Variants in DLC1 observed in about 807,000 individuals in gnomAD.
DLC1 encodes the protein DLC1 Rho GTPase activating protein.
DLC1 carries 54 observed loss-of-function variants against 140.3 expected under a neutral mutation model. That is an observed-to-expected ratio of 0.38 (90% CI 0.31 to 0.48). The LOEUF is 0.48. DLC1 is among the 20% of genes least tolerant of loss of function. The pLI, the probability that DLC1 is intolerant of heterozygous loss-of-function variation, is 0.96. For synonymous variants in DLC1, 986 were observed against 728.1 expected, an observed-to-expected ratio of 1.35 and a Z score of -5.70; for missense variants, 2,536 against 1,907.0, an observed-to-expected ratio of 1.33 and a Z score of -6.14.
intron 5 of DLC1, among the ~76,000 whole-genome samples, chr8:13,204,124 T>C (rs146426141): frequency 1.7e-3 from 261 of 152,242 alleles, no homozygotes; most frequent in Middle Eastern, 6.8e-3. Flanking sequence ...AAAAGACTGT[T>C]CTGTTAAGGA....
rs999267114 is a variant in DLC1 at position 13,566,954 on chromosome 8, G to A, written c.-126+37583C>T. Reference sequence around the variant, plus strand: ...CGGGTTCCTGAGCCAGTCTTAACCTGGGCAAAGGAGATGAGGAGCCGAGCC... The same window carrying A: ...CGGGTTCCTGAGCCAGTCTTAACCTAGGCAAAGGAGATGAGGAGCCGAGCC... On this transcript the variant is annotated intron_variant, in intron 1 of 1. Coordinates refer to the DLC1 transcript ENST00000631382. 2.7e-6 allele frequency: 4 copies of A among 1,507,512 alleles called. No homozygotes were observed. In the African/African-American group the frequency reaches 5.6e-5, roughly 21 times the overall value. 93.4% of individuals were successfully genotyped at this position (1,507,512 alleles called of 1,614,324 possible).
At chr8:13,331,886 CT>C (rs1336142942) in intron 4 of DLC1, among the ~76,000 whole-genome samples, 3 of 152,112 alleles carry the variant, frequency 2.0e-5, no homozygotes, top group Admixed American at 6.5e-5. Flanking sequence ...TAATATGATC[CT>C]TTCTGTGCCT....
chr8:13,286,322 T>C (rs145963298), intron 5 of DLC1, among the ~76,000 whole-genome samples: 1 of 152,274 alleles, frequency 6.6e-6, no homozygotes, highest in African/African-American at 2.4e-5. Context: ...GAATGATCAC[T>C]GGCTTGGAGA....
intron 5 of DLC1, among the ~76,000 whole-genome samples, chr8:13,202,896 A>G (rs1246642131): frequency 2.0e-5 from 3 of 150,136 alleles, no homozygotes; most frequent in African/African-American, 7.4e-5. Flanking sequence ...CTGGTCTTGA[A>G]CTCCTGGGCC....
rs976560938 is a variant in DLC1, at chr8:13,099,477, C to T, written c.2860G>A (p.Val954Met). Residue 954 changes from valine to methionine, a missense_variant, in exon 9 of 18, where the codon GTG (valine) becomes ATG (methionine). Physicochemically the swap from Val to Met is conservative, Grantham distance 21 (BLOSUM62 1). Coordinates refer to ENST00000276297, the MANE Select transcript of DLC1 (RefSeq NM_182643.3). The part of the protein sequence containing the change: ...PSSPKQIHLD[V>M]DNDRTTPSDL... ...CTGGGTGTGGTTCGGTCGTTGTCCA[C>T]ATCCAGGTGTATCTGTTTTGGAGAG... 4.3e-6 allele frequency: 7 copies of T among 1,614,086 alleles called. No individual in the cohort carries two copies. The highest frequency in any genetic ancestry group is 3.3e-5 in the Admixed American group (2 of 60,008).
At chr8:13,313,826 T>C (rs1422388116) in intron 4 of DLC1, among the ~76,000 whole-genome samples, 2 of 152,190 alleles carry the variant, frequency 1.3e-5, no homozygotes, top group Non-Finnish European at 2.9e-5. Flanking sequence ...TTTATAAAGC[T>C]CAGTGTGGAG....
intron 1 of DLC1, among the ~76,000 whole-genome samples, chr8:13,598,679 C>T (rs1057270328): frequency 2.0e-5 from 3 of 151,924 alleles, no homozygotes; most frequent in African/African-American, 7.2e-5. Context: ...ATAATACTTA[C>T]TATTATTGCA....
chr8:13,118,753 A>T (rs1349482391), intron 5 of DLC1, among the ~76,000 whole-genome samples: 1 of 152,140 alleles, frequency 6.6e-6, no homozygotes, highest in Non-Finnish European at 1.5e-5. Context: ...CGAGTCACAC[A>T]GTTTCATTCC....
At chr8:13,470,098 A>T (rs1394451501) in intron 2 of DLC1, among the ~76,000 whole-genome samples, 2 of 152,072 alleles carry the variant, frequency 1.3e-5, no homozygotes, top group Admixed American at 6.5e-5. Flanking sequence ...GTGAACCATT[A>T]CTTCCTCTTG....
intron 1 of DLC1, among the ~76,000 whole-genome samples, chr8:13,504,695 A>G (rs1275737149): frequency 6.6e-6 from 1 of 152,226 alleles, no homozygotes; most frequent in Admixed American, 6.5e-5. Context: ...GTAACAGTGC[A>G]GGGAAGACGA....
At chr8:13,599,707 G>A (rs867674322) in intron 1 of DLC1, among the ~76,000 whole-genome samples, 1 of 151,876 alleles carries the variant, frequency 6.6e-6, no homozygotes, top group African/African-American at 2.4e-5. Flanking sequence ...ACTCAATATT[G>A]TAATGATGTC....
chr8:13,419,638 C>T (rs955076835), intron 2 of DLC1, among the ~76,000 whole-genome samples: 2 of 152,166 alleles, frequency 1.3e-5, no homozygotes, highest in East Asian at 1.9e-4. Context: ...AGGATTTTTG[C>T]ATCAGTGTTC....
chr8:13,416,250 A>G (rs887418942), intron 2 of DLC1, among the ~76,000 whole-genome samples: 6 of 152,200 alleles, frequency 3.9e-5, no homozygotes, highest in Admixed American at 1.3e-4. Context: ...TACATATGCA[A>G]ATATCACTCT....
chr8:13,453,557 T>TATATACATATATATATA (rs1491341936), intron 2 of DLC1, among the ~76,000 whole-genome samples: 2 of 24,276 alleles, frequency 8.2e-5, no homozygotes, highest in African/African-American at 5.5e-4. Flanking sequence ...TATATATATA[T>TATATACATATATATATA]TTTTTTTTTT....
intron 5 of DLC1, among the ~76,000 whole-genome samples, chr8:13,192,309 A>G (rs894498776): frequency 1.3e-5 from 2 of 152,152 alleles, no homozygotes; most frequent in African/African-American, 2.4e-5. Context: ...AATGCTGTGC[A>G]ATTTTGGGTG....
chr8:13,335,329 A>G (rs1833775111), intron 4 of DLC1, among the ~76,000 whole-genome samples: 1 of 152,212 alleles, frequency 6.6e-6, no homozygotes, highest in Non-Finnish European at 1.5e-5. Context: ...GTTCAACTAT[A>G]AACTACTTTT....
At chr8:13,133,903 C>T (rs1280831704) in intron 5 of DLC1, among the ~76,000 whole-genome samples, 1 of 152,152 alleles carries the variant, frequency 6.6e-6, no homozygotes, top group Non-Finnish European at 1.5e-5. Flanking sequence ...ATTGCTAAAA[C>T]CCGCATGGGT....
intron 2 of DLC1, among the ~76,000 whole-genome samples, chr8:13,462,906 C>T (rs1281195637): frequency 6.6e-6 from 1 of 152,044 alleles, no homozygotes; most frequent in Non-Finnish European, 1.5e-5. Flanking sequence ...ATAGCTACCC[C>T]TATGGTTTTA....
chr8:13,450,979 C>T (rs1799014380), intron 2 of DLC1, among the ~76,000 whole-genome samples: 1 of 122,348 alleles, frequency 8.2e-6, no homozygotes, highest in African/African-American at 3.2e-5. Context: ...GCAGAGGTTG[C>T]AGTGAGCCAA....
Sources: gnomAD v4.1 joint callset for allele counts (sites outside exome capture counted in the v4.1 genomes callset) on GRCh38, gnomAD v4.1.1 for gene constraint, MANE v1.5 for transcripts, NCBI Gene and HGNC (gene_info 2026-07-23, HGNC 2026-07-21) for gene names.